The following VPS13B variants were observed in gnomAD, a reference collection of about 807,000 sequenced individuals.
VPS13B encodes vacuolar protein sorting 13 homolog B, also known as intermembrane lipid transfer protein VPS13B.
VPS13B carries 285 observed loss-of-function variants against 426.4 expected under a neutral mutation model. The ratio of observed to expected loss-of-function variants is 0.67; its 90% CI spans 0.61 to 0.74. The LOEUF (loss-of-function observed/expected upper bound fraction) is 0.74, where lower values mean the gene tolerates loss of function less well. Among genes scored for constraint, VPS13B ranks in the 30% least tolerant of loss-of-function variants. The pLI, the probability that VPS13B is intolerant of heterozygous loss-of-function variation, is 0.00. For missense variants in VPS13B, 4,537 were observed against 4,782.6 expected (o/e 0.95, Z 1.51); for synonymous variants, 1,676 against 1,676.4 (o/e 1.00, Z 0.01).
At chr8:99,032,678 C>T (rs1842570957) in intron 2 of VPS13B, among the ~76,000 whole-genome samples, 1 of 148,024 alleles carries the variant, frequency 6.8e-6, no homozygotes, top group Non-Finnish European at 1.5e-5. Flanking sequence ...TATAGGTGCT[C>T]ACCACCATGT....
intron 3 of VPS13B, among the ~76,000 whole-genome samples, chr8:99,083,717 T>C (rs1223964794): frequency 7.7e-6 from 1 of 129,258 alleles, no homozygotes; most frequent in Non-Finnish European, 1.6e-5. Flanking sequence ...GAGATAATCA[T>C]ATGGTTTTTG....
chr8:99,158,819 A>T (rs541422102), intron 15 of VPS13B, among the ~76,000 whole-genome samples: 1 of 152,166 alleles, frequency 6.6e-6, no homozygotes, highest in Non-Finnish European at 1.5e-5. Flanking sequence ...GTACAGGGAG[A>T]TGCACATTGT....
intron 33 of VPS13B, among the ~76,000 whole-genome samples, chr8:99,582,718 C>T (rs1325916301): frequency 6.6e-6 from 1 of 152,048 alleles, no homozygotes; most frequent in Non-Finnish European, 1.5e-5. Flanking sequence ...TGCAGTGGCG[C>T]AATCTCGGCT....
intron 36 of VPS13B, among the ~76,000 whole-genome samples, chr8:99,701,034 G>A (rs541847218): frequency 2.6e-5 from 4 of 152,148 alleles, no homozygotes; most frequent in Non-Finnish European, 4.4e-5. Flanking sequence ...CACATAGCCA[G>A]GTTGGGCACA....
chr8:99,644,954 T>A (rs972541516), intron 34 of VPS13B, among the ~76,000 whole-genome samples: 2 of 152,168 alleles, frequency 1.3e-5, no homozygotes. Flanking sequence ...ATCTTAGAGA[T>A]TAGGAAACTA....
At chr8:99,627,695 C>T (rs2133904674) in intron 33 of VPS13B, among the ~76,000 whole-genome samples, 1 of 152,244 alleles carries the variant, frequency 6.6e-6, no homozygotes, top group East Asian at 1.9e-4. Context: ...AATTATGCCA[C>T]ATTTTGTACA....
chr8:99,704,458 CT>C (rs1009053315), intron 36 of VPS13B, among the ~76,000 whole-genome samples: 3 of 152,176 alleles, frequency 2.0e-5, no homozygotes, highest in Non-Finnish European at 4.4e-5. Context: ...GCGAGTTAGC[CT>C]AAGGGGAAAT....
intron 39 of VPS13B, among the ~76,000 whole-genome samples, chr8:99,763,689 G>A (rs757859089): frequency 2.0e-5 from 3 of 152,120 alleles, no homozygotes; most frequent in African/African-American, 4.8e-5. Context: ...GGTATTTCAG[G>A]CTGAGAGAGA....
intron 17 of VPS13B, chr8:99,234,451 C>T: frequency 1.6e-6 from 1 of 633,022 alleles, no homozygotes; most frequent in South Asian, 1.4e-5. Flanking sequence ...CATGCAATTC[C>T]ACTTTACCTT....
rs1384885207 is a variant in VPS13B, at chr8:99,735,259, T to C, written c.7050+14212T>C. Among the ~76,000 whole-genome samples, 3 of 152,148 alleles carry C rather than the reference T, an allele frequency of 2.0e-5. No individual in the cohort carries two copies. In the East Asian group the frequency reaches 5.8e-4, roughly 29 times the overall value. ...ATAGTAGATGAGTAATTTTAATGGG[T>C]TGAACAGTTTCCCCTCCCAAATTCA... On this transcript the variant is annotated intron_variant, in intron 39 of 61. Transcript: ENST00000357162.
intron 28 of VPS13B, chr8:99,507,660 A>G (rs1821570622): frequency 1.9e-6 from 3 of 1,543,668 alleles, no homozygotes; most frequent in Non-Finnish European, 2.6e-6. Context: ...GCTCAAACCT[A>G]AATTTATACA....
At chr8:99,631,703 TGGTGTGTGTGTG>T (rs1251373114) in intron 33 of VPS13B, among the ~76,000 whole-genome samples, 1 of 151,732 alleles carries the variant, frequency 6.6e-6, no homozygotes, top group Non-Finnish European at 1.5e-5. Context: ...TCAGCAAATA[TGGTGTGTGTGTG>T]GGTGTGTGTT....
intron 21 of VPS13B, among the ~76,000 whole-genome samples, chr8:99,398,814 AT>A (rs34134409): frequency 0.25 from 36,396 of 143,658 alleles, 4,724 homozygotes; most frequent in East Asian, 0.43. Flanking sequence ...TGGGACAAGT[AT>A]TTTTTTTTTT....
At chr8:99,553,179 T>C (rs1311715899) in intron 30 of VPS13B, among the ~76,000 whole-genome samples, 3 of 152,102 alleles carry the variant, frequency 2.0e-5, no homozygotes, top group Non-Finnish European at 4.4e-5. Flanking sequence ...CTTTGGCAGG[T>C]GCTTATTTAT....
At chr8:99,363,803 T>C (rs1812692878) in intron 19 of VPS13B, among the ~76,000 whole-genome samples, 1 of 152,232 alleles carries the variant, frequency 6.6e-6, no homozygotes, top group Admixed American at 6.5e-5. Flanking sequence ...TTACTGATTT[T>C]TGTATGTTGA....
At chr8:99,776,665 C>A in intron 40 of VPS13B, 110 bp from the exon 41 acceptor site, 1 of 987,148 alleles carries the variant, frequency 1.0e-6, no homozygotes, top group Non-Finnish European at 1.6e-6. Context: ...AAAATATTGA[C>A]TATAGGATTT....
intron 17 of VPS13B, among the ~76,000 whole-genome samples, chr8:99,221,621 G>A (rs937801723): frequency 2.7e-4 from 41 of 152,146 alleles, no homozygotes; most frequent in African/African-American, 7.9e-4. Flanking sequence ...CTTTTCAGTC[G>A]CGGACACACC....
intron 25 of VPS13B, among the ~76,000 whole-genome samples, chr8:99,492,233 G>A (rs1820642539): frequency 6.6e-6 from 1 of 152,148 alleles, no homozygotes; most frequent in Admixed American, 6.5e-5. Context: ...TTCTTCCTCT[G>A]GAAGCTTCAT....
chr8:99,127,322 T>G (rs909339027), intron 8 of VPS13B, among the ~76,000 whole-genome samples: 1 of 152,192 alleles, frequency 6.6e-6, no homozygotes, highest in African/African-American at 2.4e-5. Flanking sequence ...TCTCCACTTT[T>G]CACTTTTCCC....
Sources: allele counts gnomAD v4.1 joint callset (sites outside exome capture counted in the v4.1 genomes callset), GRCh38; gene constraint gnomAD v4.1.1; transcripts MANE v1.5; gene names NCBI Gene and HGNC (gene_info 2026-07-23, HGNC 2026-07-21).